ZC4H2: variants seen among roughly 807,000 people sequenced by gnomAD.
The protein encoded by ZC4H2 is zinc finger C4H2 domain-containing protein.
For synonymous variants in ZC4H2, 84 were observed against 66.3 expected (o/e 1.27, Z -1.30); for missense variants, 137 against 173.9 (o/e 0.79, Z 1.19).
intron 4 of ZC4H2, 142 bp downstream of exon 4, chrX:64,918,900 C>T: frequency 1.4e-6 from 1 of 738,870 alleles, no homozygotes; most frequent in Non-Finnish European, 1.9e-6. Flanking sequence ...ACACCCATGT[C>T]ACCCCTTCCA....
At chrX:64,938,255 T>G (rs1417971099) in intron 1 of ZC4H2, among the ~76,000 whole-genome samples, 2 of 112,053 alleles carry the variant, frequency 1.8e-5, no homozygotes, top group Admixed American at 1.9e-4. Flanking sequence ...AATCTCTGAA[T>G]AGACTAATAA....
intron 1 of ZC4H2, among the ~76,000 whole-genome samples, chrX:64,965,906 C>A (rs1316810911): frequency 1.0e-5 from 1 of 100,135 alleles, no homozygotes; most frequent in African/African-American, 3.6e-5. Context: ...CTGCTGAACT[C>A]CAGCTTGGGT....
chrX:64,945,405 T>C lies in ZC4H2; in HGVS notation c.54-23417A>G, dbSNP rs771797743. ...ATCCTATTAGCCTGGGTATCACCAG[T>C]GGAGGCTGCAGAAGAGCAAAGATTG... On this transcript the variant is annotated intron_variant, in intron 1 of 4. Coordinates refer to ENST00000374839, the MANE Select transcript of ZC4H2 (RefSeq NM_018684.4). Among the ~76,000 whole-genome samples, 3 of 111,510 alleles carry C rather than the reference T, an allele frequency of 2.7e-5. No homozygotes were observed. The South Asian group carries it at 1.1e-3, about 42-fold the overall frequency.
intron 1 of ZC4H2, among the ~76,000 whole-genome samples, chrX:65,019,170 G>A (rs957797071): frequency 1.8e-5 from 2 of 111,837 alleles, no homozygotes; most frequent in African/African-American, 6.5e-5. Flanking sequence ...ACCCAGGACA[G>A]CATTCAAGGT....
intron 1 of ZC4H2, among the ~76,000 whole-genome samples, chrX:65,024,113 G>C (rs998338155): frequency 3.6e-5 from 4 of 110,102 alleles, no homozygotes; most frequent in African/African-American, 6.6e-5. Context: ...TCGGCGGGTG[G>C]GGGGGCACTA....
chrX:64,950,367 C>T (rs1930741119), intron 1 of ZC4H2, among the ~76,000 whole-genome samples: 1 of 111,598 alleles, frequency 9.0e-6, no homozygotes. Flanking sequence ...ATTAGGTCTG[C>T]TCGGTGCAGA....
intron 1 of ZC4H2, among the ~76,000 whole-genome samples, chrX:64,938,915 ATAG>A (rs1385048324): frequency 1.8e-5 from 2 of 112,184 alleles, no homozygotes; most frequent in Non-Finnish European, 3.8e-5. Flanking sequence ...TCTATTCCAC[ATAG>A]TATTGGAATT....
At chrX:64,944,126 ATTTTT>A (rs1441004781) in intron 1 of ZC4H2, among the ~76,000 whole-genome samples, 1 of 101,244 alleles carries the variant, frequency 9.9e-6, no homozygotes, top group South Asian at 4.2e-4. Flanking sequence ...CTGGGTTAAA[ATTTTT>A]TTCTTTTTTC....
rs182480899 is a variant in ZC4H2 at position 65,008,501 on chromosome X, A to T, written c.-272+26128T>A. Among the ~76,000 whole-genome samples, 6 of 112,555 alleles carry T rather than the reference A, an allele frequency of 5.3e-5. No individual in the cohort carries two copies. The East Asian group carries it at 1.7e-3, about 31-fold the overall frequency. ...CAAAGGAAATCCATATATCAAAGAG[A>T]TAACTGCCCTCCCATGTTTACTGGA... On this transcript the variant is annotated intron_variant, in intron 1 of 4. Transcript: ENST00000337990.
In ZC4H2 at chrX:64,999,039, G is replaced by GTTTTTTTTT. The variant is rs58094683; in HGVS notation, c.-272+35581_-272+35589dup. ...TAGACAGCATACAGTTGGATTATGT[G>GTTTTTTTTT]TTTTTTTTTTTTTTTTTTTTTTTTT... On this transcript the variant is annotated intron_variant, in intron 1 of 4. Transcript: ENST00000337990. Among the ~76,000 whole-genome samples the GTTTTTTTTT allele has an allele frequency of 3.5e-3, 41 of 11,851 alleles. 4 individuals carry two copies. The highest frequency in any genetic ancestry group is 4.9e-3 in the Non-Finnish European group (32 of 6,556). 10.3% of individuals were successfully genotyped at this position (11,851 alleles called of 115,157 possible).
intron 1 of ZC4H2, among the ~76,000 whole-genome samples, chrX:64,938,782 G>A (rs897928015): frequency 8.1e-5 from 9 of 111,484 alleles, no homozygotes; most frequent in Non-Finnish European, 1.7e-4. Flanking sequence ...TCAATGAAAT[G>A]TATCTCAAAA....
chrX:64,942,148 C>T (rs1220055698), intron 1 of ZC4H2, among the ~76,000 whole-genome samples: 1 of 111,183 alleles, frequency 9.0e-6, no homozygotes, highest in Non-Finnish European at 1.9e-5. Flanking sequence ...GAAATTTATC[C>T]ATTTCTTCTA....
chrX:64,995,490 G>T (rs1421193051), intron 1 of ZC4H2, among the ~76,000 whole-genome samples: 1 of 112,039 alleles, frequency 8.9e-6, no homozygotes, highest in Non-Finnish European at 1.9e-5. Flanking sequence ...TTCCCCAGTA[G>T]CTGGGACCAC....
intron 1 of ZC4H2, among the ~76,000 whole-genome samples, chrX:64,944,903 C>T (rs192153301): frequency 5.4e-4 from 61 of 112,479 alleles, no homozygotes; most frequent in African/African-American, 2.0e-3. Context: ...TCATGAAGTT[C>T]TCGTGCTGTG....
chrX:64,944,855 C>T (rs1930456470), intron 1 of ZC4H2, among the ~76,000 whole-genome samples: 2 of 112,124 alleles, frequency 1.8e-5, no homozygotes, highest in Admixed American at 9.5e-5. Context: ...ATCTTTTCTT[C>T]TGCTTCATTG....
intron 2 of ZC4H2, 98 bp downstream of exon 2, chrX:64,921,719 C>A: frequency 1.0e-6 from 1 of 962,702 alleles, no homozygotes; most frequent in Non-Finnish European, 1.4e-6. Context: ...TGCCTGCTCC[C>A]CGAGCTAGGC....
intron 1 of ZC4H2, among the ~76,000 whole-genome samples, chrX:64,996,006 A>G (rs1331385457): frequency 9.0e-6 from 1 of 111,569 alleles, no homozygotes; most frequent in Non-Finnish European, 1.9e-5. Flanking sequence ...GTATCTGTAT[A>G]TGAAATAATT....
chrX:64,991,894 T>G (rs1169261261), intron 1 of ZC4H2, among the ~76,000 whole-genome samples: 1 of 111,508 alleles, frequency 9.0e-6, no homozygotes, highest in African/African-American at 3.3e-5. Context: ...ACCTTGAAAA[T>G]ATGATGTTAA....
chrX:64,956,777 C>A (rs1931173911), intron 1 of ZC4H2, among the ~76,000 whole-genome samples: 1 of 111,856 alleles, frequency 8.9e-6, no homozygotes, highest in Non-Finnish European at 1.9e-5. Context: ...CTAGAACAGA[C>A]CAGATTTTGT....
Sources: allele counts gnomAD v4.1 joint callset (sites outside exome capture counted in the v4.1 genomes callset), GRCh38; gene constraint gnomAD v4.1.1; transcripts MANE v1.5; gene names NCBI Gene and HGNC (gene_info 2026-07-23, HGNC 2026-07-21).